Variants in GBF1 observed in about 807,000 individuals in gnomAD.
GBF1 encodes the protein Golgi-specific brefeldin A-resistance guanine nucleotide exchange factor 1.
A neutral mutation model predicts 210.5 loss-of-function variants in GBF1; 114 were observed. That is an observed-to-expected ratio of 0.54 (90% CI 0.47 to 0.63). The LOEUF is 0.63. Among genes scored for constraint, GBF1 ranks in the 30% least tolerant of loss-of-function variants. The probability of loss-of-function intolerance (pLI) is 0.00; values close to 1 mark genes in which losing one functional copy is unlikely to be tolerated. For missense variants in GBF1, 1,851 were observed against 2,357.7 expected (o/e 0.79, Z 4.45); for synonymous variants, 850 against 889.2 (o/e 0.96, Z 0.78).
chr10:102,293,780 T>TTTTG, intron 3 of GBF1, among the ~76,000 whole-genome samples: 1 of 98,900 alleles, frequency 1.0e-5, no homozygotes, highest in Non-Finnish European at 2.3e-5. Flanking sequence ...TGTTTTTTTT[T>TTTTG]TTTTTTTTTT....
In GBF1 at chr10:102,250,620, A is replaced by C. The variant is rs528055835; in HGVS notation, c.-11+4839A>C. ...TGCTTTGGCCTCCTAAAGTGCTGGG[A>C]TTAAAGATGAGAGCTACTGCACCTG... is the stretch of plus-strand genomic sequence containing the variant. On this transcript the variant is annotated intron_variant, in intron 1 of 39. Coordinates refer to ENST00000369983, the MANE Select transcript of GBF1 (RefSeq NM_001377137.1). Among the ~76,000 whole-genome samples, 5 of 149,564 alleles carry C rather than the reference A, an allele frequency of 3.3e-5. No homozygotes were observed. The East Asian group carries it at 9.8e-4, about 29-fold the overall frequency.
Position 102,366,153 on chromosome 10 carries a change from A to G in GBF1, c.2310-230A>G, listed in dbSNP as rs893665324. Among the ~76,000 whole-genome samples, 5 of 152,108 alleles carry G rather than the reference A, an allele frequency of 3.3e-5. No homozygotes were observed. Among genetic ancestry groups the G allele is most frequent in the African/African-American group, 4.8e-5 (2 of 41,422 alleles). On this transcript the variant is annotated intron_variant, in intron 18 of 39. Coordinates refer to ENST00000369983, the MANE Select transcript of GBF1 (RefSeq NM_001377137.1). This position sits in a 1 kb window ranked among gnomAD's most constrained non-coding sequence, Gnocchi z 4.0. ...TCCATTCTGCATGGAGTCCATTCCAAAGGGGTAGAGCAGGGTTCCAGGGGG... is the reference window on the plus strand; with the variant it reads ...TCCATTCTGCATGGAGTCCATTCCAGAGGGGTAGAGCAGGGTTCCAGGGGG...
chr10:102,245,095 G>A (rs1372015000), upstream of GBF1, among the ~76,000 whole-genome samples: 1 of 152,154 alleles, frequency 6.6e-6, no homozygotes, highest in Non-Finnish European at 1.5e-5. Flanking sequence ...TTCCTCAAGG[G>A]GCATGGTCTT....
At chr10:102,261,586 A>G (rs185434794) in intron 3 of GBF1, among the ~76,000 whole-genome samples, 4 of 150,782 alleles carry the variant, frequency 2.7e-5, no homozygotes, top group African/African-American at 9.7e-5. Flanking sequence ...GTTATCTAAG[A>G]GTTCCCTACA....
Position 102,262,738 on chromosome 10 carries a change from T to C in GBF1, c.163+2622T>C, listed in dbSNP as rs190587347. On this transcript the variant is annotated intron_variant, in intron 3 of 39. Transcript: ENST00000369983. ...AAGATTTTACCTCAGAGACCATACC[T>C]GTGGTGAATGATGCAGTCTAGGAAT... 2.6e-5 allele frequency among the ~76,000 whole-genome samples: 4 copies of C among 152,346 alleles called. No individual in the cohort carries two copies. The East Asian group carries it at 7.7e-4, about 29-fold the overall frequency.
chr10:102,293,914 A>T (rs1313987126), intron 3 of GBF1, among the ~76,000 whole-genome samples: 1 of 151,310 alleles, frequency 6.6e-6, no homozygotes, highest in Non-Finnish European at 1.5e-5. Context: ...AGTAGCTGGG[A>T]CTACAGGCAC....
At chr10:102,232,141 G>T in the GBF1 span, 8 of 1,011,476 alleles carry the variant, frequency 7.9e-6, no homozygotes, top group Non-Finnish European at 1.2e-5. Context: ...TAAAATCTCC[G>T]GCTTAGCTAG....
At chr10:102,231,207 C>T in the GBF1 span, 288 of 1,119,986 alleles carry the variant, frequency 2.6e-4, 3 homozygotes, top group East Asian at 7.7e-3. Flanking sequence ...GGTCAATAAA[C>T]GAGATGAGGT....
the GBF1 span, among the ~76,000 whole-genome samples, chr10:102,232,893 C>T: frequency 1.3e-5 from 2 of 152,162 alleles, no homozygotes; most frequent in Non-Finnish European, 2.9e-5. Context: ...ATATTTCTCC[C>T]TTAAGAATAA....
At chr10:102,361,989 C>A in intron 14 of GBF1, 77 bp downstream of exon 14, 1 of 675,930 alleles carries the variant, frequency 1.5e-6, no homozygotes, top group Non-Finnish European at 2.3e-6. Context: ...GAGGATGTTA[C>A]ATACAGAGAG....
chr10:102,375,367 C>T lies in GBF1; in HGVS notation c.3669C>T (p.Leu1223=). ...RREEISAQVL[L]SLRILLLMKP... ...CCCTAACCCCACTCCAGGTGCTGCT[C>T]TCCCTGCGCATTTTGCTACTGATGA... The change falls in exon 30 of 40, where the codon CTC becomes CTT. Residue 1223 remains leucine, a synonymous_variant. Coordinates refer to ENST00000369983, the MANE Select transcript of GBF1 (RefSeq NM_001377137.1). 5 of 1,608,260 alleles carry T rather than the reference C, an allele frequency of 3.1e-6. No homozygotes were observed. Among genetic ancestry groups the T allele is most frequent in the Non-Finnish European group, 4.3e-6 (5 of 1,174,726 alleles).
intron 3 of GBF1, among the ~76,000 whole-genome samples, chr10:102,316,775 A>G (rs1197705485): frequency 2.0e-5 from 3 of 152,258 alleles, no homozygotes; most frequent in Admixed American, 1.3e-4. Flanking sequence ...TGTAGTCTAT[A>G]GTCTGTAAGC....
In GBF1 at chr10:102,370,203, A is replaced by G; in HGVS notation, c.3369A>G (p.Glu1123=). 2 of 1,613,146 alleles carry G rather than the reference A, an allele frequency of 1.2e-6. No individual in the cohort carries two copies. The highest frequency in any genetic ancestry group is 1.7e-6 in the Non-Finnish European group (2 of 1,179,090). Residue 1123 remains glutamate (E), a synonymous_variant, in exon 27 of 40, where the codon GAA becomes GAG. Transcript: ENST00000369983. The part of the protein sequence containing the change: ...KQCDPEKMIT[E]SKFLQLESLQ... ...GTGACCCAGAAAAAATGATCACAGA[A>G]AGCAAGTTCCTCCAGCTGGAGTCAC...
In GBF1 at chr10:102,379,664, A is replaced by C; in HGVS notation, c.4776+13A>C. ...CTGTTTTAACAAGGTGGGACTTCCT[A>C]CTGGTCTTAAGATAAAGTTCAAATC... On this transcript the variant is annotated intron_variant, in intron 35 of 39. Coordinates refer to ENST00000369983, the MANE Select transcript of GBF1 (RefSeq NM_001377137.1). The C allele has an allele frequency of 1.2e-6, 2 of 1,613,710 alleles. No homozygotes were observed. Among genetic ancestry groups the C allele is most frequent in the Non-Finnish European group, 1.7e-6 (2 of 1,179,718 alleles).
chr10:102,244,788 A>C (rs143609729), upstream of GBF1, among the ~76,000 whole-genome samples: 1 of 152,120 alleles, frequency 6.6e-6, no homozygotes, highest in Non-Finnish European at 1.5e-5. Flanking sequence ...CTGCTCTGCT[A>C]TTTACTAATT....
upstream of GBF1, among the ~76,000 whole-genome samples, chr10:102,243,196 T>A (rs2070583104): frequency 6.6e-6 from 1 of 152,176 alleles, no homozygotes; most frequent in Non-Finnish European, 1.5e-5. Context: ...CACTCAAGTC[T>A]TATTTTCTCT....
chr10:102,252,129 C>T (rs1372627747), intron 1 of GBF1, among the ~76,000 whole-genome samples: 3 of 151,820 alleles, frequency 2.0e-5, no homozygotes, highest in East Asian at 3.9e-4. Context: ...CACCTGAGGC[C>T]GGGAGTTTGA....
intron 3 of GBF1, among the ~76,000 whole-genome samples, chr10:102,309,170 G>A (rs1162178896): frequency 6.6e-6 from 1 of 152,152 alleles, no homozygotes; most frequent in Non-Finnish European, 1.5e-5. Context: ...GCTTCAATTT[G>A]CACAACTGAG....
chr10:102,364,531 T>C (rs2059803982), intron 17 of GBF1, among the ~76,000 whole-genome samples: 1 of 151,328 alleles, frequency 6.6e-6, no homozygotes, highest in African/African-American at 2.4e-5. Context: ...GCCTGTACTT[T>C]GGGTTTCTTA....
Sources: gnomAD v4.1 joint callset for allele counts (sites outside exome capture counted in the v4.1 genomes callset) on GRCh38, gnomAD v4.1.1 for gene constraint, Gnocchi (gnomAD v3.1) non-coding constraint, MANE v1.5 for transcripts, NCBI Gene and HGNC (gene_info 2026-07-23, HGNC 2026-07-21) for gene names.